The following IL16 variants were observed in gnomAD, a reference collection of about 807,000 sequenced individuals.
The protein encoded by IL16 is interleukin 16, also known as pro-interleukin-16.
In IL16, 67 loss-of-function variants were observed where a neutral mutation model predicts 110.1. The ratio of observed to expected loss-of-function variants is 0.61; its 90% confidence interval spans 0.50 to 0.75. The LOEUF is 0.75. Ranked by LOEUF, IL16 falls within the 30% of genes least tolerant of loss-of-function variation. The pLI is 0.00. For synonymous variants in IL16, 689 were observed against 662.9 expected (o/e 1.04, Z -0.61); for missense variants, 1,545 against 1,655.0 (o/e 0.93, Z 1.15).
chr15:81,296,895 T>G (rs1439704717), intron 12 of IL16, 33 bp from the exon 13 acceptor site: 1 of 1,563,480 alleles, frequency 6.4e-7, no homozygotes, highest in Admixed American at 1.9e-5. Flanking sequence ...GGCTACCGTT[T>G]TGACATGGTC....
At chr15:81,210,341 G>T (rs146762210) in intron 1 of IL16, among the ~76,000 whole-genome samples, 100 of 152,264 alleles carry the variant, frequency 6.6e-4, no homozygotes, top group African/African-American at 2.3e-3. Context: ...CCTTGGCTAT[G>T]TGGGTTCTTT....
chr15:81,297,109 A>C, intron 13 of IL16, 31 bp downstream of exon 13: 1 of 1,594,530 alleles, frequency 6.3e-7, no homozygotes, highest in Non-Finnish European at 8.5e-7. Flanking sequence ...TCCAAAAGGA[A>C]GGGTCTTTTG....
At chr15:81,295,436 C>T (rs748323882) in intron 12 of IL16, 7 of 1,288,748 alleles carry the variant, frequency 5.4e-6, no homozygotes, top group Non-Finnish European at 7.1e-6. Context: ...GCATTGACTG[C>T]AGTTGGTATC....
chr15:81,191,816 A>G (rs1895501700), intron 1 of IL16, among the ~76,000 whole-genome samples: 1 of 152,236 alleles, frequency 6.6e-6, no homozygotes, highest in Admixed American at 6.5e-5. Flanking sequence ...GGCTTATTCA[A>G]GAAAGAGCCA....
In IL16 at chr15:81,285,571, G is replaced by T. The variant is rs1899407935; in HGVS notation, c.1200-127G>T. Reference sequence around the variant, plus strand: ...GAGTTTTGGTCTGGTGGCTAGTGGGGTCTACTTATTCATGTGATTTTTATA... The same window carrying T: ...GAGTTTTGGTCTGGTGGCTAGTGGGTTCTACTTATTCATGTGATTTTTATA... On this transcript the variant is annotated intron_variant, in intron 9 of 18. Coordinates refer to ENST00000683961, the MANE Select transcript of IL16 (RefSeq NM_172217.5). 3 of 979,766 alleles carry T rather than the reference G, an allele frequency of 3.1e-6. No homozygotes were observed. The African/African-American group carries it at 4.9e-5, about 16-fold the overall frequency. The allele number at this position is 979,766 out of a possible 1,614,324, so 60.7% of individuals were successfully genotyped here.
intron 2 of IL16, among the ~76,000 whole-genome samples, chr15:81,239,303 G>A (rs1042760675): frequency 2.0e-5 from 3 of 152,178 alleles, no homozygotes; most frequent in Non-Finnish European, 2.9e-5. Context: ...CTACTCTTAT[G>A]AGCTTTTGTT....
rs1444322511 is a variant in IL16, at chr15:81,267,456, ACATACG to A, written c.564+1658_564+1663del. Reference sequence around the variant, plus strand: ...GAGATGTATAGATAGACACACATACACATACGCAGACACACATACACAGACACACAC... The same window carrying A: ...GAGATGTATAGATAGACACACATACACAGACACACATACACAGACACACAC... On this transcript the variant is annotated intron_variant, in intron 4 of 18. Transcript: ENST00000683961. 1.3e-5 allele frequency among the ~76,000 whole-genome samples: 2 copies of A among 148,148 alleles called. 1 individual carries two copies. Among genetic ancestry groups the A allele is most frequent in the East Asian group, 3.9e-4 (2 of 5,080 alleles).
intron 1 of IL16, among the ~76,000 whole-genome samples, chr15:81,224,673 C>G (rs866028596): frequency 6.6e-6 from 1 of 152,214 alleles, no homozygotes; most frequent in Non-Finnish European, 1.5e-5. Flanking sequence ...TCAACTCTGG[C>G]AGGTCAGTGT....
intron 8 of IL16, among the ~76,000 whole-genome samples, chr15:81,280,216 C>A (rs4076200): frequency 0.027 from 4,140 of 152,276 alleles, 186 homozygotes; most frequent in African/African-American, 0.095. Context: ...TGCCACCCCC[C>A]CAGGTGGGGG....
At chr15:81,274,433 A>G (rs1898803822) in intron 6 of IL16, among the ~76,000 whole-genome samples, 1 of 152,214 alleles carries the variant, frequency 6.6e-6, no homozygotes, top group Non-Finnish European at 1.5e-5. Flanking sequence ...TCATCTCAGC[A>G]GGGTGCCCCC....
intron 2 of IL16, among the ~76,000 whole-genome samples, chr15:81,237,465 T>A: frequency 6.6e-6 from 1 of 152,204 alleles, no homozygotes; most frequent in East Asian, 1.9e-4. Flanking sequence ...CTTCAAAGTA[T>A]TTTATTAAAT....
chr15:81,306,610 G>A (rs752119890), intron 18 of IL16, 65 bp downstream of exon 18: 10 of 1,593,052 alleles, frequency 6.3e-6, no homozygotes, highest in African/African-American at 1.3e-5. Flanking sequence ...GCCCCCAAAA[G>A]GCTTCTGGGC....
intron 2 of IL16, among the ~76,000 whole-genome samples, chr15:81,257,866 A>C (rs770702901): frequency 2.6e-5 from 4 of 152,218 alleles, no homozygotes; most frequent in Non-Finnish European, 5.9e-5. Context: ...TAAGCCATCT[A>C]GTTTCCAAGT....
Position 81,309,087 on chromosome 15 carries a change from T to A in IL16, c.*289T>A, listed in dbSNP as rs1464794903. On this transcript the variant is annotated 3_prime_UTR_variant, in exon 19 of 19. Transcript: ENST00000683961. ...CACAAATAAAATGGATTTATTAGAA[T>A]TTCATATGACATTCATGCCTGGCTT... 1 of 331,218 alleles carries A rather than the reference T, an allele frequency of 3.0e-6. No individual in the cohort carries two copies. Among genetic ancestry groups the A allele is most frequent in the Non-Finnish European group, 5.5e-6 (1 of 182,496 alleles). 20.5% of individuals were successfully genotyped at this position (331,218 alleles called of 1,614,324 possible). A position where few individuals can be genotyped will look rare whatever the true frequency, so the allele number is the denominator to read the frequency against.
In IL16 at chr15:81,314,025, T is replaced by A. The variant is rs574133045; in HGVS notation, c.*5227T>A. Reference sequence around the variant, plus strand: ...CACAGTATTTTTTGTTTTAAAAAAATAGTTTTTTAAAATAAAAATGTTATC... The same window carrying A: ...CACAGTATTTTTTGTTTTAAAAAAAAAGTTTTTTAAAATAAAAATGTTATC... On this transcript the variant is annotated 3_prime_UTR_variant, in exon 19 of 19. Coordinates refer to ENST00000683961, the MANE Select transcript of IL16 (RefSeq NM_172217.5). The A allele has an allele frequency of 6.6e-6, 1 of 152,144 alleles. No homozygotes were observed. The highest frequency in any genetic ancestry group is 2.4e-5 in the African/African-American group (1 of 41,414). The allele number at this position is 152,144 out of a possible 1,614,324, so 9.4% of individuals were successfully genotyped here.
intron 1 of IL16, chr15:81,182,955 G>C: frequency 3.7e-6 from 4 of 1,087,402 alleles, no homozygotes; most frequent in Non-Finnish European, 5.0e-6. Context: ...ATGGAGGGGT[G>C]GACCCTTCCT....
At chr15:81,267,479 GACAC>G (rs56259509) in intron 4 of IL16, among the ~76,000 whole-genome samples, 15 of 107,648 alleles carry the variant, frequency 1.4e-4, no homozygotes, top group Middle Eastern at 4.3e-3. Context: ...CACATACACA[GACAC>G]ACACACACAC....
At chr15:81,249,928 C>G (rs933760424) in intron 2 of IL16, among the ~76,000 whole-genome samples, 4 of 152,144 alleles carry the variant, frequency 2.6e-5, no homozygotes, top group African/African-American at 9.6e-5. Flanking sequence ...CTCTTTAACA[C>G]TGTCTAATAC....
chr15:81,217,943 A>G (rs1896488337), intron 1 of IL16, among the ~76,000 whole-genome samples: 2 of 152,220 alleles, frequency 1.3e-5, no homozygotes. Context: ...AAAACACTGC[A>G]GGAATTTCCA....
Sources: allele counts gnomAD v4.1 joint callset (sites outside exome capture counted in the v4.1 genomes callset), GRCh38; gene constraint gnomAD v4.1.1; transcripts MANE v1.5; gene names NCBI Gene and HGNC (gene_info 2026-07-23, HGNC 2026-07-21).